ARMH4: variants seen among roughly 807,000 people sequenced by gnomAD.
The protein encoded by ARMH4 is armadillo like helical domain containing 4, also known as armadillo-like helical domain-containing protein 4.
In ARMH4, 49 loss-of-function variants were observed where a neutral mutation model predicts 61.9. The ratio of observed to expected loss-of-function variants is 0.79; its 90% confidence interval spans 0.63 to 1.00. The LOEUF is 1.00. Among genes scored for constraint, ARMH4 ranks in the 50% least tolerant of loss-of-function variants. The pLI is 0.00. For missense variants in ARMH4, 934 were observed against 930.0 expected (o/e 1.00, Z -0.06); for synonymous variants, 368 against 341.5 (o/e 1.08, Z -0.85).
rs569736702 is a variant in ARMH4 at position 58,076,581 on chromosome 14, G to A, written c.2089+20143C>T. 1.5e-4 allele frequency among the ~76,000 whole-genome samples: 23 copies of A among 152,212 alleles called. No individual in the cohort carries two copies. The South Asian group carries it at 2.1e-3, about 14-fold the overall frequency. On this transcript the variant is annotated intron_variant, in intron 5 of 7. Coordinates refer to ENST00000267485, the MANE Select transcript of ARMH4 (RefSeq NM_001001872.4). ...TTAGGGAAAATATGCAAATATACTCGAACACATTGAATTGGACATTTTAAA... is the reference window on the plus strand; with the variant it reads ...TTAGGGAAAATATGCAAATATACTCAAACACATTGAATTGGACATTTTAAA...
intron 4 of ARMH4, among the ~76,000 whole-genome samples, chr14:58,121,927 C>T (rs1886737063): frequency 6.6e-6 from 1 of 152,156 alleles, no homozygotes; most frequent in Non-Finnish European, 1.5e-5. Context: ...TCCCATTCAA[C>T]AGAACAGGCA....
intron 5 of ARMH4, among the ~76,000 whole-genome samples, chr14:58,094,950 G>A (rs1241448112): frequency 2.0e-5 from 3 of 152,210 alleles, no homozygotes. Flanking sequence ...ACATACCTCA[G>A]TAAAGCTGAT....
In ARMH4 at chr14:58,139,037, G is replaced by A. The variant is rs201316933; in HGVS notation, c.322C>T (p.Arg108Cys). 22 of 1,614,212 alleles carry A rather than the reference G, an allele frequency of 1.4e-5. No homozygotes were observed. The highest frequency in any genetic ancestry group is 4.5e-5 in the East Asian group (2 of 44,884). Residue 108 changes from arginine (R) to cysteine (C), a missense_variant, in exon 2 of 8, where the codon CGC becomes TGC. Coordinates refer to ENST00000267485, the MANE Select transcript of ARMH4 (RefSeq NM_001001872.4). The part of the protein sequence containing the change: ...PGQAGLMQTE[R>C]PGVSTPTESG... The stretch of plus-strand genomic sequence containing the variant: ...TCAGTAGGTGTGGAAACACCAGGGC[G>A]TTCTGTTTGCATGAGCCCAGCTTGT...
At chr14:58,008,329 G>A (rs1310680058) in intron 6 of ARMH4, among the ~76,000 whole-genome samples, 1 of 152,112 alleles carries the variant, frequency 6.6e-6, no homozygotes, top group African/African-American at 2.4e-5. Context: ...TCCAGGTAAA[G>A]GTGTAGGAAT....
rs374265237 is a variant in ARMH4 at position 58,143,611 on chromosome 14, T to C, written c.-56-4197A>G. On this transcript the variant is annotated intron_variant, in intron 1 of 7. Coordinates refer to ENST00000267485, the MANE Select transcript of ARMH4 (RefSeq NM_001001872.4). ...CCCAAATAGGTGGGATTACAGGTGC[T>C]CACTACCATGCCTGGCTAGTTTTTG... Among the ~76,000 whole-genome samples the C allele has an allele frequency of 7.6e-4, 116 of 151,848 alleles. No individual in the cohort carries two copies. The South Asian group carries it at 0.017, about 22-fold the overall frequency.
intron 5 of ARMH4, among the ~76,000 whole-genome samples, chr14:58,049,449 T>A (rs1884062958): frequency 1.3e-5 from 2 of 152,204 alleles, no homozygotes; most frequent in Non-Finnish European, 2.9e-5. Flanking sequence ...ACATGTATTT[T>A]AGGTTACAAA....
rs535668565 is a variant in ARMH4, at chr14:58,142,334, T to C, written c.-56-2920A>G. 5.9e-5 allele frequency among the ~76,000 whole-genome samples: 9 copies of C among 152,272 alleles called. No individual in the cohort carries two copies. The South Asian group carries it at 1.7e-3, about 28-fold the overall frequency. ...GGAGTTTCAAAGCTTCCATGTGTTA[T>C]CTCATTTAGTCTTATAGGTCCTTTC... is the stretch of plus-strand genomic sequence containing the variant. On this transcript the variant is annotated intron_variant, in intron 1 of 7. Transcript: ENST00000267485.
chr14:58,028,123 G>A (rs952660560), intron 5 of ARMH4, among the ~76,000 whole-genome samples: 8 of 152,114 alleles, frequency 5.3e-5, no homozygotes, highest in Admixed American at 4.6e-4. Context: ...TCAGTCATTG[G>A]AAACATGCTT....
At chr14:58,151,702 T>C (rs924308634) in intron 1 of ARMH4, among the ~76,000 whole-genome samples, 10 of 152,120 alleles carry the variant, frequency 6.6e-5, no homozygotes, top group Admixed American at 4.6e-4. Flanking sequence ...TGCTGTGGGA[T>C]TGCGAGCGGA....
chr14:58,028,978 A>G (rs1003344629), intron 5 of ARMH4, among the ~76,000 whole-genome samples: 1 of 152,122 alleles, frequency 6.6e-6, no homozygotes, highest in African/African-American at 2.4e-5. Flanking sequence ...GACATTTTGC[A>G]TTTTCACAAT....
intron 5 of ARMH4, among the ~76,000 whole-genome samples, chr14:58,017,125 G>A (rs536235568): frequency 2.0e-5 from 3 of 152,264 alleles, no homozygotes; most frequent in Admixed American, 6.5e-5. Context: ...AGACCAGCCT[G>A]GGCAACATAG....
In ARMH4 at chr14:58,001,495, T is replaced by C. The variant is rs1477661532; in HGVS notation, c.*3241A>G. 6.6e-6 allele frequency: 1 copy of C among 152,206 alleles called. No homozygotes were observed. The highest frequency in any genetic ancestry group is 1.5e-5 in the Non-Finnish European group (1 of 68,024). The allele number at this position is 152,206 out of a possible 1,614,324, so 9.4% of individuals were successfully genotyped here. On this transcript the variant is annotated 3_prime_UTR_variant, in exon 8 of 8. Transcript: ENST00000267485. ...GGAATCTTCATACTGTTTTCCACAGTGGCTATCCATTTTACATTCCCACCC... is the reference window on the plus strand; with the variant it reads ...GGAATCTTCATACTGTTTTCCACAGCGGCTATCCATTTTACATTCCCACCC...
chr14:58,137,951 A>G (rs1594779384), intron 2 of ARMH4, 39 bp downstream of exon 2: 2 of 1,560,488 alleles, frequency 1.3e-6, no homozygotes, highest in Non-Finnish European at 1.7e-6. Context: ...AAAGTTTCCA[A>G]ATTAAACCAA....
intron 4 of ARMH4, among the ~76,000 whole-genome samples, chr14:58,113,892 T>C (rs1886431342): frequency 6.6e-6 from 1 of 152,028 alleles, no homozygotes; most frequent in South Asian, 2.1e-4. Flanking sequence ...TCATTTTTGA[T>C]AGTGTTTTAT....
At chr14:58,049,188 G>A (rs565353216) in intron 5 of ARMH4, among the ~76,000 whole-genome samples, 2 of 149,230 alleles carry the variant, frequency 1.3e-5, no homozygotes, top group Non-Finnish European at 3.0e-5. Flanking sequence ...GCAGTGAGCC[G>A]AGATGGCACC....
rs1355782642 is a variant in ARMH4 at position 58,035,835 on chromosome 14, C to A, written c.2090-23685G>T. On this transcript the variant is annotated intron_variant, in intron 5 of 7. Transcript: ENST00000267485. ...TAAATTCCTCAACACATACACTCTC[C>A]CAAGACTAAACCAGGAAGAAGTTGA... Among the ~76,000 whole-genome samples the A allele has an allele frequency of 2.1e-5, 3 of 139,642 alleles. No homozygotes were observed. In the East Asian group the frequency reaches 6.1e-4, roughly 28 times the overall value. The allele number at this position is 139,642 out of a possible 152,430, so 91.6% of individuals were successfully genotyped here.
At chr14:58,132,275 C>T (rs1470841161) in intron 3 of ARMH4, among the ~76,000 whole-genome samples, 3 of 152,180 alleles carry the variant, frequency 2.0e-5, no homozygotes, top group African/African-American at 7.2e-5. Flanking sequence ...ATTTGAGAGC[C>T]TCCTATATAG....
chr14:58,060,329 C>T (rs1594730467), intron 5 of ARMH4, among the ~76,000 whole-genome samples: 1 of 152,188 alleles, frequency 6.6e-6, no homozygotes, highest in South Asian at 2.1e-4. Context: ...ATCCCATGTC[C>T]TTGGCTTCGT....
chr14:58,065,176 A>T (rs1377254085), intron 5 of ARMH4, among the ~76,000 whole-genome samples: 1 of 152,190 alleles, frequency 6.6e-6, no homozygotes, highest in East Asian at 1.9e-4. Context: ...TGGGAGGCAG[A>T]GGTTGCAGTG....
Sources: allele counts gnomAD v4.1 joint callset (sites outside exome capture counted in the v4.1 genomes callset), GRCh38; gene constraint gnomAD v4.1.1; transcripts MANE v1.5; gene names NCBI Gene and HGNC (gene_info 2026-07-23, HGNC 2026-07-21).